Variants in PLXNA1 observed in about 807,000 individuals in gnomAD.
PLXNA1 encodes the protein plexin-A1.
PLXNA1 carries 77 observed loss-of-function variants against 191.7 expected under a neutral mutation model. That is an observed-to-expected ratio of 0.40 (90% confidence interval 0.33 to 0.49). The LOEUF is 0.49. Among genes scored for constraint, PLXNA1 ranks in the 20% least tolerant of loss-of-function variants. The pLI is 0.63. For synonymous variants in PLXNA1, 1,137 were observed against 1,156.4 expected (o/e 0.98, Z 0.34); for missense variants, 2,110 against 2,660.2 (o/e 0.79, Z 4.55).
intron 9 of PLXNA1, among the ~76,000 whole-genome samples, chr3:127,011,309 C>T (rs1165021251): frequency 6.6e-6 from 1 of 152,168 alleles, no homozygotes; most frequent in Non-Finnish European, 1.5e-5. Context: ...CTCTGCTTCC[C>T]TGGAGCTCCT....
chr3:127,002,160 C>CCG (rs1195848570), intron 3 of PLXNA1, among the ~76,000 whole-genome samples: 4 of 152,260 alleles, frequency 2.6e-5, no homozygotes, highest in Non-Finnish European at 5.9e-5. Context: ...CTCCCAGAGG[C>CCG]CGTGGGCCAT....
intron 3 of PLXNA1, among the ~76,000 whole-genome samples, chr3:126,992,293 G>A (rs1437614498): frequency 2.6e-5 from 4 of 152,094 alleles, no homozygotes; most frequent in East Asian, 1.9e-4. Context: ...GGAAGCTCCC[G>A]GAGAGACTGA....
intron 25 of PLXNA1, 122 bp from the exon 26 acceptor site, chr3:127,028,871 G>T (rs2107637853): frequency 1.5e-6 from 1 of 674,156 alleles, no homozygotes; most frequent in Middle Eastern, 2.9e-4. Flanking sequence ...AGGGGCGGAG[G>T]TATGTCCCTG....
chr3:127,035,083 C>A lies in PLXNA1; in HGVS notation c.*1066C>A, dbSNP rs1373710558. On this transcript the variant is annotated 3_prime_UTR_variant, in exon 32 of 32. Transcript: ENST00000393409. Reference sequence around the variant, plus strand: ...CTGCACTCTGCTTGGGCCTTGAGGTCTGTGGCAGGGCTCCTCTGGCCCGCA... The same window carrying A: ...CTGCACTCTGCTTGGGCCTTGAGGTATGTGGCAGGGCTCCTCTGGCCCGCA... 1.3e-5 allele frequency: 2 copies of A among 152,274 alleles called. No homozygotes were observed. The highest frequency in any genetic ancestry group is 4.8e-5 in the African/African-American group (2 of 41,452). The allele number at this position is 152,274 out of a possible 1,614,324, so 9.4% of individuals were successfully genotyped here. A position where few individuals can be genotyped will look rare whatever the true frequency, so the allele number is the denominator to read the frequency against.
Position 127,014,268 on chromosome 3 carries a change from G to A in PLXNA1, c.2497G>A (p.Ala833Thr). Residue 833 changes from alanine (A) to threonine (T), a missense_variant, in exon 12 of 32, where the codon GCC (alanine) becomes ACC (threonine). Coordinates refer to ENST00000393409, the MANE Select transcript of PLXNA1 (RefSeq NM_032242.4). ...GCGCTTCGAGTGCGGATGGTGCGTGGCCGAGCGCCGCTGCTCCCTGCGACA... is the reference window on the plus strand; with the variant it reads ...GCGCTTCGAGTGCGGATGGTGCGTGACCGAGCGCCGCTGCTCCCTGCGACA... ...DPRFECGWCV[A>T]ERRCSLRHHC... 6.3e-7 allele frequency: 1 copy of A among 1,596,298 alleles called. No homozygotes were observed.
At chr3:127,002,291 A>G (rs1443150587) in intron 3 of PLXNA1, among the ~76,000 whole-genome samples, 7 of 152,168 alleles carry the variant, frequency 4.6e-5, no homozygotes, top group Non-Finnish European at 1.0e-4. Context: ...AGCTGAGCGG[A>G]TGTGGGGGGT....
Position 127,034,146 on chromosome 3 carries a change from C to G in PLXNA1, c.*129C>G. On this transcript the variant is annotated 3_prime_UTR_variant, in exon 32 of 32. Transcript: ENST00000393409. ...CGCCGCAGTGCAGCGACTGCCCGGC[C>G]CTCCCTCCCCTGCCTCACCCGGTCG... 1.3e-6 allele frequency: 1 copy of G among 790,484 alleles called. No individual in the cohort carries two copies. The highest frequency in any genetic ancestry group is 1.9e-5 in the South Asian group (1 of 52,526). 49.0% of individuals were successfully genotyped at this position (790,484 alleles called of 1,614,324 possible).
chr3:127,012,011 A>G lies in PLXNA1; in HGVS notation c.2166A>G (p.Val722=), dbSNP rs1167576714. 1.2e-6 allele frequency: 2 copies of G among 1,613,622 alleles called. No individual in the cohort carries two copies. The highest frequency in any genetic ancestry group is 2.7e-5 in the African/African-American group (2 of 74,944). The change falls in exon 10 of 32, where the codon GTA becomes GTG. Residue 722 remains valine (V), a synonymous_variant. Transcript: ENST00000393409. ...STQIYVPVGV[V]KPITLAARNL... is the part of the protein sequence containing the mutation. ...AGATCTACGTGCCAGTGGGAGTGGT[A>G]AAACCCATCACCCTGGCCGCACGGA... is the stretch of plus-strand genomic sequence containing the variant.
chr3:127,013,377 T>C (rs1265781350), intron 10 of PLXNA1, among the ~76,000 whole-genome samples: 1 of 151,426 alleles, frequency 6.6e-6, no homozygotes, highest in African/African-American at 2.4e-5. Flanking sequence ...TAATGATGAA[T>C]TGCCGGGCCG....
At chr3:127,019,084 G>A (rs2079140048) in intron 20 of PLXNA1, among the ~76,000 whole-genome samples, 1 of 152,216 alleles carries the variant, frequency 6.6e-6, no homozygotes, top group African/African-American at 2.4e-5. Context: ...GGTGTGAGTG[G>A]CAGAAATCTG....
intron 27 of PLXNA1, 100 bp downstream of exon 27, chr3:127,029,636 C>A: frequency 7.6e-7 from 1 of 1,315,560 alleles, no homozygotes; most frequent in Admixed American, 1.8e-5. Context: ...ACGGGAGGAC[C>A]CAGGGGCAGG....
chr3:127,018,099 C>T (rs921228749), intron 19 of PLXNA1, among the ~76,000 whole-genome samples, 195 bp from the exon 20 acceptor site: 1 of 152,136 alleles, frequency 6.6e-6, no homozygotes, highest in Non-Finnish European at 1.5e-5. Context: ...GAGCCCTTGC[C>T]ATGCCAGTGG....
At chr3:127,002,641 G>A (rs940239664) in intron 3 of PLXNA1, among the ~76,000 whole-genome samples, 3 of 152,236 alleles carry the variant, frequency 2.0e-5, no homozygotes, top group East Asian at 3.8e-4. Flanking sequence ...GGGCAGACAC[G>A]CCCCAAGAGT....
chr3:127,028,519 C>T (rs1416270068), intron 25 of PLXNA1, among the ~76,000 whole-genome samples, 179 bp downstream of exon 25: 2 of 152,132 alleles, frequency 1.3e-5, no homozygotes, highest in Non-Finnish European at 2.9e-5. Context: ...GGGTGGCTGC[C>T]CTGCTCTGGG....
rs201094581 is a variant in PLXNA1 at position 127,032,736 on chromosome 3, G to A, written c.5495G>A (p.Ser1832Asn). ...KMPAISDQDM[S>N]AYLAEQSRLH... is the part of the protein sequence containing the mutation. Reference sequence around the variant, plus strand: ...CCAGCCATCAGCGACCAGGACATGAGTGCGTATCTGGCTGAGCAGTCCCGC... The same window carrying A: ...CCAGCCATCAGCGACCAGGACATGAATGCGTATCTGGCTGAGCAGTCCCGC... The change falls in exon 31 of 32, where the codon AGT (serine) becomes AAT (asparagine). Residue 1832 changes from serine (S) to asparagine (N), a missense_variant. Coordinates refer to ENST00000393409, the MANE Select transcript of PLXNA1 (RefSeq NM_032242.4). The A allele has an allele frequency of 2.9e-4, 462 of 1,613,322 alleles. No homozygotes were observed. The highest frequency in any genetic ancestry group is 3.8e-4 in the Non-Finnish European group (450 of 1,180,028).
Position 126,989,117 on chromosome 3 carries a change from C to T in PLXNA1, c.524C>T (p.Ala175Val), listed in dbSNP as rs925369377. 6 of 1,612,908 alleles carry T rather than the reference C, an allele frequency of 3.7e-6. No individual in the cohort carries two copies. In the Admixed American group the frequency reaches 8.3e-5, roughly 22 times the overall value. The stretch of plus-strand genomic sequence containing the variant: ...GGCAGCATGGCGGGCGTGCTCATTG[C>T]CGGGCCACCGGGCCAGGGCCAGGCC... ...EAGSMAGVLI[A>V]GPPGQGQAKL... The change falls in exon 2 of 32, where the codon GCC (alanine) becomes GTC (valine). Residue 175 changes from alanine to valine, a missense_variant. By Grantham distance (64) the Ala-to-Val change is moderately conservative. Around this residue, in one of 4 missense-constraint regions of PLXNA1, gnomAD observed 903 missense variants for 1,015.7 expected, o/e 0.89. Transcript: ENST00000393409.
chr3:127,007,145 G>T (rs1267583684), intron 8 of PLXNA1, among the ~76,000 whole-genome samples: 3 of 152,198 alleles, frequency 2.0e-5, no homozygotes, highest in African/African-American at 2.4e-5. Flanking sequence ...GCAGGGTGGT[G>T]GGGGAGCTGG....
chr3:127,008,550 C>G (rs2079079726), intron 9 of PLXNA1, among the ~76,000 whole-genome samples: 1 of 152,212 alleles, frequency 6.6e-6, no homozygotes, highest in Non-Finnish European at 1.5e-5. Context: ...TGCTGAGTGG[C>G]AAAGCTGAGG....
chr3:127,026,032 A>G (rs1196187606), intron 23 of PLXNA1, among the ~76,000 whole-genome samples: 1 of 152,184 alleles, frequency 6.6e-6, no homozygotes, highest in African/African-American at 2.4e-5. Flanking sequence ...TGAACTGCCC[A>G]TATTATCCTT....
Sources: allele counts gnomAD v4.1 joint callset (sites outside exome capture counted in the v4.1 genomes callset), GRCh38; gene constraint gnomAD v4.1.1; regional missense constraint gnomAD v4.1.1; transcripts MANE v1.5; gene names NCBI Gene and HGNC (gene_info 2026-07-23, HGNC 2026-07-21).